The following ZNF578 variants were observed in gnomAD, a reference collection of about 807,000 sequenced individuals.
ZNF578 encodes zinc finger protein 578.
Under a neutral mutation model 8.3 loss-of-function variants are expected in ZNF578, and 8 were observed. The ratio of observed to expected loss-of-function variants is 0.96; its 90% CI spans 0.56 to 1.74. The LOEUF (loss-of-function observed/expected upper bound fraction) is 1.74. Ranked by LOEUF, ZNF578 falls within the 40% of genes most tolerant of loss-of-function variation. The probability of loss-of-function intolerance (pLI) is 0.00; values close to 1 mark genes in which losing one functional copy is unlikely to be tolerated. For synonymous variants in ZNF578, 206 were observed against 232.2 expected, an observed-to-expected ratio of 0.89 and a Z score of 1.03; for missense variants, 726 against 707.5, an observed-to-expected ratio of 1.03 and a Z score of -0.30.
intron 5 of ZNF578, among the ~76,000 whole-genome samples, chr19:52,506,841 T>C (rs1220728593): frequency 6.6e-6 from 1 of 152,232 alleles, no homozygotes; most frequent in South Asian, 2.1e-4. Flanking sequence ...TCATATATTA[T>C]AAGTTTTACA....
chr19:52,510,761 C>CA lies in ZNF578; in HGVS notation c.381dup (p.Ser128IlefsTer11). 1 of 1,612,856 alleles carries CA rather than the reference C, an allele frequency of 6.2e-7. No homozygotes were observed. The highest frequency in any genetic ancestry group is 1.1e-5 in the South Asian group (1 of 90,974). On this transcript the variant is annotated frameshift_variant, in exon 6 of 6. Transcript: ENST00000421239. LOFTEE classifies it low-confidence loss of function (END_TRUNC). ...AAAGATGAAAGAAATGGCCATGAAG[C>CA]ATCCATGCCAAAAATCAAAGAGTTG...
intron 3 of ZNF578, among the ~76,000 whole-genome samples, chr19:52,500,299 T>G (rs565141401): frequency 6.6e-6 from 1 of 152,250 alleles, no homozygotes; most frequent in Admixed American, 6.5e-5. Flanking sequence ...GTTGGTTTGG[T>G]CTGGGAAGGT....
intron 2 of ZNF578, among the ~76,000 whole-genome samples, chr19:52,467,844 G>T (rs911495773): frequency 3.3e-5 from 5 of 152,042 alleles, no homozygotes; most frequent in African/African-American, 1.2e-4. Flanking sequence ...GGCAAAAAAA[G>T]ATAGAATGCC....
At chr19:52,486,318 G>A (rs1382758151) in intron 2 of ZNF578, among the ~76,000 whole-genome samples, 1 of 152,152 alleles carries the variant, frequency 6.6e-6, no homozygotes, top group African/African-American at 2.4e-5. Context: ...GGTAGAGATA[G>A]TGATCAATAA....
intron 2 of ZNF578, among the ~76,000 whole-genome samples, chr19:52,471,662 A>G (rs2059292245): frequency 6.6e-6 from 1 of 152,186 alleles, no homozygotes; most frequent in African/African-American, 2.4e-5. Flanking sequence ...TGAACCAGCT[A>G]GAGAAGTCTA....
chr19:52,461,950 G>A (rs2059259476), intron 2 of ZNF578, among the ~76,000 whole-genome samples: 1 of 152,186 alleles, frequency 6.6e-6, no homozygotes, highest in African/African-American at 2.4e-5. Context: ...AGTGTAAGTA[G>A]TGTCATCTCT....
intron 2 of ZNF578, among the ~76,000 whole-genome samples, chr19:52,487,432 G>T (rs1379880457): frequency 6.6e-6 from 1 of 152,100 alleles, no homozygotes; most frequent in East Asian, 1.9e-4. Context: ...ATCAGATTGA[G>T]AATTTTAAAA....
Position 52,511,805 on chromosome 19 carries a change from T to G in ZNF578, c.1424T>G (p.Ile475Arg). 1.2e-6 allele frequency: 2 copies of G among 1,612,052 alleles called. No individual in the cohort carries two copies. The highest frequency in any genetic ancestry group is 1.7e-6 in the Non-Finnish European group (2 of 1,179,338). The change falls in exon 6 of 6, where the codon ATA (isoleucine) becomes AGA (arginine). Residue 475 changes from isoleucine (I) to arginine (R), a missense_variant. Physicochemically the swap from Ile to Arg is moderately conservative, Grantham distance 97. Transcript: ENST00000421239. ...SQKSNLERHK[I>R]IHTGEKPYKC... ...AAATCAAACCTTGAGAGACACAAGA[T>G]AATTCATACTGGAGAGAAACCTTAC... is the stretch of plus-strand genomic sequence containing the variant.
intron 2 of ZNF578, among the ~76,000 whole-genome samples, chr19:52,484,248 C>G (rs1254271519): frequency 6.6e-6 from 1 of 152,246 alleles, no homozygotes; most frequent in Admixed American, 6.5e-5. Context: ...AGGCGGTTTT[C>G]CCCTATCTCA....
At position 52,462,864 on chromosome 19, in the gene ZNF578, C is replaced by T. The variant is rs567511128; in HGVS notation, c.-122+5906C>T. 6.6e-5 allele frequency among the ~76,000 whole-genome samples: 10 copies of T among 152,284 alleles called. No individual in the cohort carries two copies. In the East Asian group the frequency reaches 1.5e-3, roughly 24 times the overall value. On this transcript the variant is annotated intron_variant, in intron 2 of 5. Transcript: ENST00000421239. The stretch of plus-strand genomic sequence containing the variant: ...TCTCCTGGGGAAATACAAGCAAACC[C>T]TCTTCCCCATGTTATAACTCTCCCT...
At chr19:52,475,792 A>G (rs2059306712) in intron 2 of ZNF578, among the ~76,000 whole-genome samples, 1 of 152,168 alleles carries the variant, frequency 6.6e-6, no homozygotes. Flanking sequence ...GTATGGGGAA[A>G]TTGTACCTTT....
intron 3 of ZNF578, among the ~76,000 whole-genome samples, chr19:52,500,045 TC>T (rs1306433778): frequency 5.3e-5 from 8 of 152,118 alleles, no homozygotes; most frequent in Admixed American, 6.6e-5. Flanking sequence ...AGGATGCTCT[TC>T]CCCTCAGCTG....
At chr19:52,488,957 T>C (rs1424788745) in intron 2 of ZNF578, among the ~76,000 whole-genome samples, 1 of 151,820 alleles carries the variant, frequency 6.6e-6, no homozygotes, top group African/African-American at 2.4e-5. Flanking sequence ...TAGCTGGCCA[T>C]GTTTACACAC....
chr19:52,459,328 A>G (rs1309984792), intron 2 of ZNF578, among the ~76,000 whole-genome samples: 1 of 152,144 alleles, frequency 6.6e-6, no homozygotes, highest in African/African-American at 2.4e-5. Context: ...TTAGTATCCC[A>G]CGTGAGTGGA....
chr19:52,516,487 G>A lies in ZNF578; in HGVS notation c.*4333G>A, dbSNP rs143141131. On this transcript the variant is annotated 3_prime_UTR_variant, in exon 6 of 6. Transcript: ENST00000421239. Reference sequence around the variant, plus strand: ...ATTTGCTCAGGGTGAGGTCTCCTTTGTGTCAGGCCTCTGAGCCCAAGCTAA... The same window carrying A: ...ATTTGCTCAGGGTGAGGTCTCCTTTATGTCAGGCCTCTGAGCCCAAGCTAA... 0.016 allele frequency among the ~76,000 whole-genome samples: 2,420 copies of A among 152,294 alleles called. 68 individuals carry two copies. The highest frequency in any genetic ancestry group is 0.056 in the African/African-American group (2,312 of 41,526).
chr19:52,510,297 A>G (rs2059439900), intron 5 of ZNF578, among the ~76,000 whole-genome samples: 1 of 152,144 alleles, frequency 6.6e-6, no homozygotes, highest in Non-Finnish European at 1.5e-5. Context: ...GTAGGGTCAC[A>G]GTGGAAAAAT....
intron 4 of ZNF578, 131 bp from the exon 5 acceptor site, chr19:52,504,524 A>T (rs2059418559): frequency 6.5e-7 from 1 of 1,528,104 alleles, no homozygotes; most frequent in Non-Finnish European, 8.7e-7. Context: ...AAATTCAAAA[A>T]TACCTTAACG....
rs1208350801 is a variant in ZNF578 at position 52,515,700 on chromosome 19, T to C, written c.*3546T>C. Among the ~76,000 whole-genome samples, 2 of 151,206 alleles carry C rather than the reference T, an allele frequency of 1.3e-5. No individual in the cohort carries two copies. The highest frequency in any genetic ancestry group is 2.9e-5 in the Non-Finnish European group (2 of 67,870). ...CGAGTGTCCCTGACCGTTGAAATGA[T>C]TGGCAAAATGGAGTGCGTGTCTGGG... On this transcript the variant is annotated 3_prime_UTR_variant, in exon 6 of 6. Coordinates refer to ENST00000421239, the MANE Select transcript of ZNF578 (RefSeq NM_001099694.2).
At chr19:52,510,436 T>C (rs997222789) in intron 5 of ZNF578, 136 bp from the exon 6 acceptor site, 2 of 1,222,464 alleles carry the variant, frequency 1.6e-6, no homozygotes, top group Admixed American at 5.8e-5. Flanking sequence ...ATCTTACTAC[T>C]TTTGTGTTCG....
Sources: gnomAD v4.1 joint callset for allele counts (sites outside exome capture counted in the v4.1 genomes callset) on GRCh38, gnomAD v4.1.1 for gene constraint, MANE v1.5 for transcripts, NCBI Gene and HGNC (gene_info 2026-07-23, HGNC 2026-07-21) for gene names.